PITRM1: variants seen among roughly 807,000 people sequenced by gnomAD.
PITRM1 encodes pitrilysin metallopeptidase 1.
PITRM1 carries 100 observed loss-of-function variants against 129.9 expected under a neutral mutation model. The ratio of observed to expected loss-of-function variants is 0.77; its 90% CI spans 0.65 to 0.91. The LOEUF is 0.91. PITRM1 is among the 40% of genes least tolerant of loss of function. The pLI, the probability that PITRM1 is intolerant of heterozygous loss-of-function variation, is 0.00. For synonymous variants in PITRM1, 591 were observed against 508.8 expected (o/e 1.16, Z -2.17); for missense variants, 1,471 against 1,318.3 (o/e 1.12, Z -1.79).
At chr10:3,144,266 C>T in intron 22 of PITRM1, 26 bp downstream of exon 22, 2 of 1,449,810 alleles carry the variant, frequency 1.4e-6, no homozygotes, top group Non-Finnish European at 1.9e-6. Context: ...CACCCGCTGG[C>T]AACCCGGATG....
chr10:3,149,319 C>A lies in PITRM1; in HGVS notation c.1871+302G>T, dbSNP rs76561226. 588 of 238,688 alleles carry A rather than the reference C, an allele frequency of 2.5e-3. 5 individuals carry two copies. Among genetic ancestry groups the A allele is most frequent in the African/African-American group, 0.012 (548 of 43,958 alleles). The allele number at this position is 238,688 out of a possible 1,614,324, so 14.8% of individuals were successfully genotyped here. ...TAAGGCAGCCCCAGGCCACACTGCA[C>A]ATCCAATTACTTACATTTTCGGATT... is the stretch of plus-strand genomic sequence containing the variant. On this transcript the variant is annotated intron_variant, in intron 16 of 26. Coordinates refer to ENST00000224949, the MANE Select transcript of PITRM1 (RefSeq NM_014889.4).
intron 24 of PITRM1, among the ~76,000 whole-genome samples, chr10:3,139,278 G>A (rs1171814201): frequency 6.6e-6 from 1 of 152,194 alleles, no homozygotes; most frequent in East Asian, 1.9e-4. Flanking sequence ...AGGTCTGTCT[G>A]CACAAAGTCC....
intron 25 of PITRM1, 64 bp from the exon 26 acceptor site, chr10:3,138,401 C>T (rs1398185903): frequency 1.8e-6 from 2 of 1,086,300 alleles, no homozygotes; most frequent in African/African-American, 1.5e-5. Flanking sequence ...GGGCTGTGCA[C>T]TCATGTCCCG....
intron 14 of PITRM1, among the ~76,000 whole-genome samples, chr10:3,153,371 C>G (rs1841684700): frequency 6.6e-6 from 1 of 152,180 alleles, no homozygotes; most frequent in Non-Finnish European, 1.5e-5. Flanking sequence ...AAGATTGGAG[C>G]TTGTCACAAA....
intron 24 of PITRM1, 66 bp from the exon 25 acceptor site, chr10:3,139,115 G>A (rs1839924719): frequency 4.2e-6 from 6 of 1,424,200 alleles, no homozygotes; most frequent in Non-Finnish European, 5.9e-6. Flanking sequence ...ACAAACCTCT[G>A]TCGACTTAAC....
At chr10:3,157,969 G>A in intron 11 of PITRM1, 71 bp downstream of exon 11, 3 of 910,748 alleles carry the variant, frequency 3.3e-6, no homozygotes, top group South Asian at 2.7e-5. Flanking sequence ...AATGGATCAG[G>A]CTCAGCTTCT....
Position 3,156,915 on chromosome 10 carries a change from A to C in PITRM1, c.1482+15T>G. On this transcript the variant is annotated intron_variant, in intron 13 of 26. Transcript: ENST00000224949. Reference sequence around the variant, plus strand: ...AACTTCAAAATTAGAGAAATGAATTATCCAACTTTCTTACCTTAAAATACT... The same window carrying C: ...AACTTCAAAATTAGAGAAATGAATTCTCCAACTTTCTTACCTTAAAATACT... The C allele has an allele frequency of 6.7e-7, 1 of 1,503,084 alleles. No homozygotes were observed. The highest frequency in any genetic ancestry group is 8.9e-7 in the Non-Finnish European group (1 of 1,118,586). The allele number at this position is 1,503,084 out of a possible 1,614,324, so 93.1% of individuals were successfully genotyped here.
At chr10:3,164,036 A>AC in intron 6 of PITRM1, 151 bp from the exon 7 acceptor site, 1 of 425,306 alleles carries the variant, frequency 2.4e-6, no homozygotes, top group Non-Finnish European at 4.1e-6. Context: ...AAAAAAAAAA[A>AC]AAACACCCAC....
chr10:3,156,532 C>T (rs1301047645), intron 13 of PITRM1, among the ~76,000 whole-genome samples: 3 of 152,184 alleles, frequency 2.0e-5, no homozygotes, highest in African/African-American at 7.2e-5. Flanking sequence ...GAACAGGCAA[C>T]CAAGCACAAC....
Position 3,149,671 on chromosome 10 carries a change from G to A in PITRM1, c.1821C>T (p.Leu607=). ...GCACATAGGGCCTCAGCTCCTCGGG[G>A]AGTGTGTTCAGGCTGGAGAAGGCCC... ...YFRAFSSLNT[L]PEELRPYVPL... The change falls in exon 16 of 27, where the codon CTC becomes CTT. Residue 607 remains leucine, a synonymous_variant. Transcript: ENST00000224949. 6.2e-7 allele frequency: 1 copy of A among 1,606,000 alleles called. No individual in the cohort carries two copies.
Position 3,170,116 on chromosome 10 carries a change from G to A in PITRM1, c.147C>T (p.Phe49=), listed in dbSNP as rs566012447. 1.2e-6 allele frequency: 2 copies of A among 1,612,788 alleles called. No individual in the cohort carries two copies. The highest frequency in any genetic ancestry group is 1.7e-6 in the Non-Finnish European group (2 of 1,178,796). Reference sequence around the variant, plus strand: ...GGACGACCCATACCTGGTTTACGGTGAATCCATGGATCTTGTCTCCTAGTT... The same window carrying A: ...GGACGACCCATACCTGGTTTACGGTAAATCCATGGATCTTGTCTCCTAGTT... ...QYKLGDKIHG[F]TVNQVTSVPE... is the part of the protein sequence containing the mutation. Residue 49 remains phenylalanine (F), a synonymous_variant, in exon 2 of 27, where the codon TTC becomes TTT. Transcript: ENST00000224949.
At chr10:3,164,597 T>C (rs1842712212) in intron 6 of PITRM1, among the ~76,000 whole-genome samples, 1 of 152,168 alleles carries the variant, frequency 6.6e-6, no homozygotes, top group African/African-American at 2.4e-5. Flanking sequence ...TAAATGCGTT[T>C]TAATGAGGAC....
intron 7 of PITRM1, 93 bp downstream of exon 7, chr10:3,163,632 T>C: frequency 1.8e-6 from 2 of 1,094,192 alleles, no homozygotes; most frequent in Non-Finnish European, 2.6e-6. Flanking sequence ...TAAGCATTGC[T>C]AAATGTGAGA....
chr10:3,153,317 G>T (rs1841680156), intron 14 of PITRM1, among the ~76,000 whole-genome samples: 1 of 152,220 alleles, frequency 6.6e-6, no homozygotes, highest in South Asian at 2.1e-4. Context: ...GCCTACTCAT[G>T]GAATTATCTT....
At chr10:3,159,505 C>T (rs1842261433) in intron 9 of PITRM1, among the ~76,000 whole-genome samples, 1 of 152,226 alleles carries the variant, frequency 6.6e-6, no homozygotes, top group Admixed American at 6.5e-5. Flanking sequence ...TGCCGAGGTG[C>T]ATGTTCATAG....
At chr10:3,149,124 T>C (rs1463701053) in intron 16 of PITRM1, 1 of 152,948 alleles carries the variant, frequency 6.5e-6, no homozygotes, top group Non-Finnish European at 1.5e-5. Flanking sequence ...CCCTGTCTAC[T>C]GCTTGTCCTG....
At position 3,140,808 on chromosome 10, in the gene PITRM1, T is replaced by A; in HGVS notation, c.2650A>T (p.Lys884Ter). 1 of 1,579,300 alleles carries A rather than the reference T, an allele frequency of 6.3e-7. No homozygotes were observed. The highest frequency in any genetic ancestry group is 8.6e-7 in the Non-Finnish European group (1 of 1,160,638). Residue 884 changes from lysine (K) to a stop codon, truncating the protein, a stop_gained, in exon 24 of 27, where the codon AAA (lysine) becomes TAA (stop). Coordinates refer to ENST00000224949, the MANE Select transcript of PITRM1 (RefSeq NM_014889.4). LOFTEE classifies it high-confidence loss of function. The part of the protein sequence containing the change: ...PYTDPDHASL[K>*]ILARLMTAKF... ...GCAGTCATCAAACGTGCAAGGATTT[T>A]AAGACTGAAATGATTAAAAAATGCA...
chr10:3,153,611 T>TC (rs1218176298), intron 14 of PITRM1, among the ~76,000 whole-genome samples: 2 of 150,094 alleles, frequency 1.3e-5, no homozygotes, highest in Non-Finnish European at 3.0e-5. Context: ...AAGGCGAGAC[T>TC]CCGTCTCAAA....
At chr10:3,144,198 A>T in intron 22 of PITRM1, 94 bp downstream of exon 22, 1 of 715,962 alleles carries the variant, frequency 1.4e-6, no homozygotes. Flanking sequence ...CCCCACAGAC[A>T]GGCGGACGGA....
Sources: gnomAD v4.1 joint callset for allele counts (sites outside exome capture counted in the v4.1 genomes callset) on GRCh38, gnomAD v4.1.1 for gene constraint, MANE v1.5 for transcripts, NCBI Gene and HGNC (gene_info 2026-07-23, HGNC 2026-07-21) for gene names.